FUBP3: variants seen among roughly 807,000 people sequenced by gnomAD.
FUBP3 encodes far upstream element-binding protein 3.
In FUBP3, 28 loss-of-function variants were observed where a neutral mutation model predicts 85.6. That is an observed-to-expected ratio of 0.33 (90% CI 0.24 to 0.45). FUBP3 has a LOEUF of 0.45. Ranked by LOEUF, FUBP3 falls within the 20% of genes least tolerant of loss-of-function variation. The pLI, the probability that FUBP3 is intolerant of heterozygous loss-of-function variation, is 1.00. For synonymous variants in FUBP3, 271 were observed against 271.4 expected (o/e 1.00, Z 0.01); for missense variants, 583 against 755.1 (o/e 0.77, Z 2.67).
chr9:130,587,076 G>GT (rs1408224335), intron 1 of FUBP3, among the ~76,000 whole-genome samples: 1 of 141,852 alleles, frequency 7.0e-6, no homozygotes, highest in African/African-American at 2.6e-5. Flanking sequence ...TTGTTTGTTT[G>GT]TTTTTTTGAG....
At chr9:130,594,944 C>T (rs1484665092) in intron 1 of FUBP3, among the ~76,000 whole-genome samples, 1 of 146,430 alleles carries the variant, frequency 6.8e-6, no homozygotes, top group Admixed American at 6.9e-5. Flanking sequence ...TACTAATTTG[C>T]GGCCGGGCGC....
Position 130,626,486 on chromosome 9 carries a change from T to A in FUBP3, c.1098T>A (p.Cys366Ter). The A allele has an allele frequency of 6.2e-7, 1 of 1,614,170 alleles. No individual in the cohort carries two copies. The highest frequency in any genetic ancestry group is 8.5e-7 in the Non-Finnish European group (1 of 1,180,016). Residue 366 changes from cysteine (C) to a stop codon, truncating the protein, a stop_gained, in exon 12 of 19, where the codon TGT (cysteine) becomes TGA (stop). Coordinates refer to ENST00000319725, the MANE Select transcript of FUBP3 (RefSeq NM_003934.2). LOFTEE classifies it high-confidence loss of function. ...CATACACGGTGCCAGCCGATAAGTG[T>A]GGCCTCGTCATAGGCAAAGGTAAGA... ...EITYTVPADK[C>*]GLVIGKGGEN...
chr9:130,631,527 C>T (rs1051914085), intron 13 of FUBP3, 30 bp from the exon 14 acceptor site: 12 of 1,576,728 alleles, frequency 7.6e-6, no homozygotes, highest in South Asian at 4.4e-5. Context: ...CAACCAACAG[C>T]GGGTGAGAGC....
In FUBP3 at chr9:130,612,647, C is replaced by A; in HGVS notation, c.274+142C>A. On this transcript the variant is annotated intron_variant, in intron 4 of 18. Coordinates refer to ENST00000319725, the MANE Select transcript of FUBP3 (RefSeq NM_003934.2). The surrounding 1 kb of genome is among the most constrained non-coding windows in gnomAD (Gnocchi z 4.1). ...CCTGTAGTAGAATGCTTTGCACATG[C>A]CATTCCCCACAGCTCTGAAATGCTG... is the stretch of plus-strand genomic sequence containing the variant. 1 of 695,120 alleles carries A rather than the reference C, an allele frequency of 1.4e-6. No homozygotes were observed. The allele number at this position is 695,120 out of a possible 1,614,324, so 43.1% of individuals were successfully genotyped here.
rs900634611 is a variant in FUBP3, at chr9:130,579,618, C to G, written c.-63C>G. On this transcript the variant is annotated 5_prime_UTR_variant, in exon 1 of 19. Transcript: ENST00000319725. ...TCCCCAAGCGGAGCGGGAGGCCGGA[C>G]CGGGGAGCCGAGCGGCGGCGTCGGC... is the stretch of plus-strand genomic sequence containing the variant. The G allele has an allele frequency of 5.7e-6, 6 of 1,047,974 alleles. No individual in the cohort carries two copies. Among genetic ancestry groups the G allele is most frequent in the East Asian group, 6.7e-5 (2 of 30,022 alleles). 64.9% of individuals were successfully genotyped at this position (1,047,974 alleles called of 1,614,324 possible).
intron 2 of FUBP3, among the ~76,000 whole-genome samples, chr9:130,606,688 C>T (rs1384940642): frequency 5.3e-5 from 8 of 151,978 alleles, no homozygotes; most frequent in Non-Finnish European, 1.0e-4. Flanking sequence ...GGCGTAGTGG[C>T]GCATGCCTGT....
At chr9:130,609,893 A>T in intron 2 of FUBP3, 61 bp from the exon 3 acceptor site, 1 of 1,262,952 alleles carries the variant, frequency 7.9e-7, no homozygotes, top group Non-Finnish European at 1.2e-6. Context: ...AATGGTAAGG[A>T]TGAAGTTAGT....
chr9:130,628,994 C>G (rs552188875), intron 12 of FUBP3, among the ~76,000 whole-genome samples: 1 of 152,284 alleles, frequency 6.6e-6, no homozygotes, highest in Non-Finnish European at 1.5e-5. Context: ...GTCTCGAACT[C>G]CCAACCTCAG....
intron 3 of FUBP3, among the ~76,000 whole-genome samples, chr9:130,610,974 G>T (rs1831714962): frequency 1.3e-5 from 2 of 152,152 alleles, no homozygotes; most frequent in Admixed American, 6.5e-5. Context: ...CTTTTCCAAG[G>T]TGTTTATATT....
chr9:130,590,993 A>G (rs1032229616), intron 1 of FUBP3, among the ~76,000 whole-genome samples: 4 of 135,762 alleles, frequency 2.9e-5, no homozygotes, highest in African/African-American at 5.5e-5. Context: ...GCCACTTTTT[A>G]TTTTTGTTTT....
chr9:130,602,733 A>G (rs1265427041), intron 2 of FUBP3, among the ~76,000 whole-genome samples: 1 of 152,064 alleles, frequency 6.6e-6, no homozygotes, highest in Non-Finnish European at 1.5e-5. Flanking sequence ...GGAAGAGGTA[A>G]AGTGAGGCTG....
chr9:130,633,793 GCTT>G (rs918726629), intron 16 of FUBP3, among the ~76,000 whole-genome samples: 2 of 152,192 alleles, frequency 1.3e-5, no homozygotes, highest in African/African-American at 4.8e-5. Context: ...CCCGCTGCTT[GCTT>G]CTTCCCCACG....
chr9:130,585,706 T>A (rs1412008861), intron 1 of FUBP3, among the ~76,000 whole-genome samples: 2 of 152,236 alleles, frequency 1.3e-5, no homozygotes, highest in African/African-American at 2.4e-5. Flanking sequence ...CTTCGTGCCC[T>A]CTTTCCATGG....
chr9:130,610,075 A>G, intron 3 of FUBP3, 88 bp downstream of exon 3: 2 of 1,085,994 alleles, frequency 1.8e-6, no homozygotes, highest in Admixed American at 1.8e-5. Flanking sequence ...AGAAAGTCAG[A>G]GGTTGAGAAT....
chr9:130,614,413 G>A, intron 6 of FUBP3, 68 bp downstream of exon 6: 1 of 945,032 alleles, frequency 1.1e-6, no homozygotes, highest in Non-Finnish European at 1.7e-6. Flanking sequence ...AGAAATGGAA[G>A]GGCAACACTG....
chr9:130,613,391 C>G (rs1420908725), intron 5 of FUBP3, among the ~76,000 whole-genome samples: 1 of 152,202 alleles, frequency 6.6e-6, no homozygotes, highest in Non-Finnish European at 1.5e-5. Flanking sequence ...TGACTACATG[C>G]ATCAGGGGAG....
At chr9:130,604,904 A>C (rs1263834131) in intron 2 of FUBP3, among the ~76,000 whole-genome samples, 1 of 150,728 alleles carries the variant, frequency 6.6e-6, no homozygotes, top group Non-Finnish European at 1.5e-5. Flanking sequence ...CTCAAACAAA[A>C]AAAAAAAAAA....
intron 6 of FUBP3, among the ~76,000 whole-genome samples, chr9:130,614,819 C>T (rs758832422): frequency 2.0e-5 from 3 of 152,178 alleles, no homozygotes; most frequent in South Asian, 4.1e-4. Context: ...GAGGGCCGTA[C>T]GGACTGGCCA....
Position 130,579,642 on chromosome 9 carries a change from GCGGCGTCGGCGGCGGCGGCGA to G in FUBP3, c.-33_-13del, listed in dbSNP as rs1370832790. 3.3e-5 allele frequency: 40 copies of G among 1,196,362 alleles called. No homozygotes were observed. The highest frequency in any genetic ancestry group is 3.1e-4 in the Middle Eastern group (1 of 3,250). 74.1% of individuals were successfully genotyped at this position (1,196,362 alleles called of 1,614,324 possible). On this transcript the variant is annotated 5_prime_UTR_variant, in exon 1 of 19. Coordinates refer to ENST00000319725, the MANE Select transcript of FUBP3 (RefSeq NM_003934.2). ...ACCGGGGAGCCGAGCGGCGGCGTCGGCGGCGTCGGCGGCGGCGGCGACGGCGGCGGGGGCGGTAATGGCGGA... is the reference window on the plus strand; with the variant it reads ...ACCGGGGAGCCGAGCGGCGGCGTCGGCGGCGGCGGGGGCGGTAATGGCGGA...
Sources: allele counts gnomAD v4.1 joint callset (sites outside exome capture counted in the v4.1 genomes callset), GRCh38; gene constraint gnomAD v4.1.1; non-coding constraint Gnocchi (gnomAD v3.1); transcripts MANE v1.5; gene names NCBI Gene and HGNC (gene_info 2026-07-23, HGNC 2026-07-21).